CMTM1: variants seen among roughly 807,000 people sequenced by gnomAD.
CMTM1 encodes the protein CKLF like MARVEL transmembrane domain containing 1.
Under a neutral mutation model 17.8 loss-of-function variants are expected in CMTM1, and 16 were observed. The ratio of observed to expected loss-of-function variants is 0.90; its 90% confidence interval spans 0.61 to 1.37. CMTM1 has a LOEUF of 1.37. Among genes scored for constraint, CMTM1 ranks in the 40% most tolerant of loss-of-function variants. The pLI is 0.00. For synonymous variants in CMTM1, 169 were observed against 154.6 expected, an observed-to-expected ratio of 1.09 and a Z score of -0.69; for missense variants, 354 against 375.6, an observed-to-expected ratio of 0.94 and a Z score of 0.47.
chr16:66,574,351 A>T (rs1328777318), intron 2 of CMTM1, among the ~76,000 whole-genome samples: 2 of 152,136 alleles, frequency 1.3e-5, no homozygotes, highest in Non-Finnish European at 2.9e-5. Flanking sequence ...TCTAAGGCAA[A>T]AGGGAGGAGG....
chr16:66,577,067 TTG>T, intron 2 of CMTM1, 35 bp from the exon 3 acceptor site: 3 of 1,560,596 alleles, frequency 1.9e-6, no homozygotes, highest in Non-Finnish European at 2.6e-6. Flanking sequence ...AATTATATTG[TTG>T]TGTAAACTTG....
chr16:66,570,283 C>T (rs902561912), intron 2 of CMTM1, among the ~76,000 whole-genome samples, 189 bp downstream of exon 2: 1 of 152,150 alleles, frequency 6.6e-6, no homozygotes, highest in Admixed American at 6.5e-5. Flanking sequence ...AGCCAACACA[C>T]CGCTGCTCCA....
At chr16:66,576,287 A>C (rs989340617) in intron 2 of CMTM1, among the ~76,000 whole-genome samples, 5 of 152,012 alleles carry the variant, frequency 3.3e-5, no homozygotes, top group Non-Finnish European at 5.9e-5. Flanking sequence ...AATCCCACCT[A>C]CTCAGGAGGT....
At chr16:66,574,134 G>GA (rs2144656958) in intron 2 of CMTM1, among the ~76,000 whole-genome samples, 2 of 151,956 alleles carry the variant, frequency 1.3e-5, no homozygotes, top group South Asian at 4.1e-4. Flanking sequence ...AAATTGTCAA[G>GA]AAAAAACACA....
intron 3 of CMTM1, among the ~76,000 whole-genome samples, chr16:66,577,505 AT>A (rs774214073): frequency 2.0e-5 from 3 of 152,150 alleles, no homozygotes; most frequent in Non-Finnish European, 4.4e-5. Flanking sequence ...TAGGACTTTG[AT>A]TTTCTGGACT....
In CMTM1 at chr16:66,578,827, A is replaced by T. The variant is rs987561632; in HGVS notation, c.691-4A>T. ...CTTCCCGCATATGGTCTTGTATCTG[A>T]CAGTCCCTGTGTCTCACAGCGGTAA... On this transcript the variant is annotated splice_polypyrimidine_tract_variant and splice_region_variant and intron_variant, in intron 3 of 3. Transcript: ENST00000379500. 1 of 1,613,958 alleles carries T rather than the reference A, an allele frequency of 6.2e-7. No individual in the cohort carries two copies. The highest frequency in any genetic ancestry group is 8.5e-7 in the Non-Finnish European group (1 of 1,179,854).
intron 2 of CMTM1, among the ~76,000 whole-genome samples, chr16:66,576,803 GT>G (rs1243910338): frequency 6.6e-6 from 1 of 152,106 alleles, no homozygotes; most frequent in African/African-American, 2.4e-5. Context: ...TGACCACCAG[GT>G]TTTTTCATGC....
At position 66,566,565 on chromosome 16, in the gene CMTM1, T is replaced by C. The variant is rs2012373011; in HGVS notation, c.52T>C (p.Leu18=). The change falls in exon 1 of 4, where the codon TTG becomes CTG. Residue 18 remains leucine, a synonymous_variant. Coordinates refer to ENST00000379500, the MANE Select transcript of CMTM1 (RefSeq NM_052999.4). This position sits in a 1 kb window ranked among gnomAD's most constrained non-coding sequence, Gnocchi z 4.9. ...GTCATCCGAGGCACCTTCAGGGAAC[T>C]TGAAACAACCGGAGACTGCCGCAGC... ...PESSEAPSGN[L]KQPETAAALA... is the part of the protein sequence containing the mutation. 2 of 1,613,744 alleles carry C rather than the reference T, an allele frequency of 1.2e-6. No individual in the cohort carries two copies. Among genetic ancestry groups the C allele is most frequent in the Non-Finnish European group, 8.5e-7 (1 of 1,179,928 alleles).
At chr16:66,575,082 C>T in intron 2 of CMTM1, 1 of 985,432 alleles carries the variant, frequency 1.0e-6, no homozygotes, top group Non-Finnish European at 1.2e-6. Context: ...ACCCCTGTTC[C>T]AGCATTAACT....
At chr16:66,576,785 AG>A (rs10716244) in intron 2 of CMTM1, among the ~76,000 whole-genome samples, 7,659 of 152,294 alleles carry the variant, frequency 0.05, 315 homozygotes, top group East Asian at 0.12. Flanking sequence ...AATTTGGGAT[AG>A]GCCCCTTGAC....
At chr16:66,576,351 T>A (rs1375450522) in intron 2 of CMTM1, among the ~76,000 whole-genome samples, 1 of 151,210 alleles carries the variant, frequency 6.6e-6, no homozygotes, top group South Asian at 2.1e-4. Context: ...TGAGCCAAGA[T>A]CGCACCATTG....
rs780586407 is a variant in CMTM1, at chr16:66,566,467, C to G, written c.-47C>G. The G allele has an allele frequency of 6.6e-7, 1 of 1,519,810 alleles. No individual in the cohort carries two copies. The highest frequency in any genetic ancestry group is 1.4e-5 in the African/African-American group (1 of 71,968). 94.1% of individuals were successfully genotyped at this position (1,519,810 alleles called of 1,614,324 possible). On this transcript the variant is annotated 5_prime_UTR_variant, in exon 1 of 4. Coordinates refer to ENST00000379500, the MANE Select transcript of CMTM1 (RefSeq NM_052999.4). The surrounding 1 kb of genome is among the most constrained non-coding windows in gnomAD (Gnocchi z 4.9). The stretch of plus-strand genomic sequence containing the variant: ...ACGCTGGTTCCCAGGGGAGAGCCAG[C>G]CGCTGCCGCGGCACTGGTTCAGACG...
chr16:66,572,260 C>T (rs576067765), intron 2 of CMTM1, among the ~76,000 whole-genome samples: 1 of 152,222 alleles, frequency 6.6e-6, no homozygotes, highest in South Asian at 2.1e-4. Context: ...TGAGCAACCA[C>T]ACAGTTGGTC....
intron 2 of CMTM1, among the ~76,000 whole-genome samples, chr16:66,575,553 T>C (rs2144667348): frequency 6.6e-6 from 1 of 152,330 alleles, no homozygotes; most frequent in East Asian, 1.9e-4. Context: ...GCTCATTTCC[T>C]CCTTATTTGG....
chr16:66,567,161 T>A, intron 1 of CMTM1: 1 of 650,578 alleles, frequency 1.5e-6, no homozygotes. Flanking sequence ...TTTCTTTTTT[T>A]TTTTTTTTTA....
At chr16:66,569,368 T>C (rs10500537) in intron 1 of CMTM1, among the ~76,000 whole-genome samples, 9,637 of 152,222 alleles carry the variant, frequency 0.063, 457 homozygotes, top group East Asian at 0.12. Flanking sequence ...GAAGACTAGG[T>C]GAAACAATAA....
In CMTM1 at chr16:66,566,770, C is replaced by A. The variant is rs199641934; in HGVS notation, c.257C>A (p.Pro86His). The A allele has an allele frequency of 1.2e-6, 2 of 1,613,412 alleles. No homozygotes were observed. The highest frequency in any genetic ancestry group is 1.7e-6 in the Non-Finnish European group (2 of 1,179,684). ...APSRKATTRP[P>H]PKPTLPPPTP... is the part of the protein sequence containing the mutation. ...TCAAGGAAAGCCACCACACGCCCAC[C>A]CCCAAAGCCCACACTCCCACCCCCC... Residue 86 changes from proline to histidine, a missense_variant, in exon 1 of 4, where the codon CCC (proline) becomes CAC (histidine). Physicochemically the swap from Pro to His is moderately conservative, Grantham distance 77. Transcript: ENST00000379500. The surrounding 1 kb of genome is among the most constrained non-coding windows in gnomAD (Gnocchi z 4.9).
At chr16:66,573,750 G>A (rs995583928) in intron 2 of CMTM1, among the ~76,000 whole-genome samples, 4 of 142,852 alleles carry the variant, frequency 2.8e-5, no homozygotes, top group Admixed American at 1.5e-4. Flanking sequence ...GCGGTGGCAC[G>A]ATCTCGGCTC....
At position 66,566,987 on chromosome 16, in the gene CMTM1, C is replaced by A. The variant is rs201650064; in HGVS notation, c.432+42C>A. On this transcript the variant is annotated intron_variant, in intron 1 of 3. Coordinates refer to ENST00000379500, the MANE Select transcript of CMTM1 (RefSeq NM_052999.4). The surrounding 1 kb of genome is among the most constrained non-coding windows in gnomAD (Gnocchi z 4.9). ...TGAGACCTAGCTGGGCGGATGTGGC[C>A]GGCAGTGGCCTCGGGGAAATGCCCA... The A allele has an allele frequency of 1.9e-6, 3 of 1,606,918 alleles. No homozygotes were observed. Among genetic ancestry groups the A allele is most frequent in the Non-Finnish European group, 1.7e-6 (2 of 1,174,068 alleles).
Sources: gnomAD v4.1 joint callset for allele counts (sites outside exome capture counted in the v4.1 genomes callset) on GRCh38, gnomAD v4.1.1 for gene constraint, Gnocchi (gnomAD v3.1) non-coding constraint, MANE v1.5 for transcripts, NCBI Gene and HGNC (gene_info 2026-07-23, HGNC 2026-07-21) for gene names.